LYPD8: variants seen among roughly 807,000 people sequenced by gnomAD.
LYPD8 encodes the protein ly6/PLAUR domain-containing protein 8.
Under a neutral mutation model 1.7 loss-of-function variants are expected in LYPD8, and 8 were observed. The ratio of observed to expected loss-of-function variants is 4.58; its 90% CI spans 2.69 to 8.27. LYPD8 has a LOEUF of 8.27. Ranked by LOEUF, LYPD8 falls within the 30% of genes most tolerant of loss-of-function variation. The probability of loss-of-function intolerance (pLI) is 0.00; values close to 1 mark genes in which losing one functional copy is unlikely to be tolerated. For missense variants in LYPD8, 112 were observed against 102.3 expected (o/e 1.09, Z -0.41); for synonymous variants, 50 against 43.6 (o/e 1.15, Z -0.58).
chr1:248,751,770 C>T (rs914713968), intron 2 of LYPD8, among the ~76,000 whole-genome samples: 118,868 of 152,018 alleles, frequency 0.78, 47,078 homozygotes, highest in Middle Eastern at 0.88. Flanking sequence ...TCTGTGTCCC[C>T]AACCGCCAGC....
At chr1:248,746,777 C>T (rs1412093738) in intron 5 of LYPD8, among the ~76,000 whole-genome samples, 3 of 15,026 alleles carry the variant, frequency 2.0e-4, no homozygotes, top group Non-Finnish European at 4.7e-4. Context: ...GGGCATCGCC[C>T]GCACGGCCAG....
chr1:248,744,872 G>A (rs921692506), intron 6 of LYPD8, among the ~76,000 whole-genome samples: 15 of 152,182 alleles, frequency 9.9e-5, no homozygotes, highest in African/African-American at 2.2e-4. Context: ...GGTGTGATGC[G>A]CTTAGACAAA....
chr1:248,742,915 C>T (rs1196538555), intron 6 of LYPD8, among the ~76,000 whole-genome samples: 7 of 76,984 alleles, frequency 9.1e-5, no homozygotes, highest in Admixed American at 8.9e-4. Flanking sequence ...ATGTTGGCAG[C>T]GGGGGAGATT....
chr1:248,749,608 T>C, intron 4 of LYPD8, among the ~76,000 whole-genome samples: 1 of 151,990 alleles, frequency 6.6e-6, no homozygotes, highest in East Asian at 1.9e-4. Context: ...GACTCCTTTT[T>C]ATCAGGAACC....
At chr1:248,752,923 C>G (rs1662840080) in intron 2 of LYPD8, among the ~76,000 whole-genome samples, 1 of 102,912 alleles carries the variant, frequency 9.7e-6, no homozygotes, top group Admixed American at 9.2e-5. Context: ...CACCAACACA[C>G]CACATCACAC....
chr1:248,741,067 T>C (rs1347868573), intron 6 of LYPD8, among the ~76,000 whole-genome samples: 1 of 152,190 alleles, frequency 6.6e-6, no homozygotes, highest in Non-Finnish European at 1.5e-5. Flanking sequence ...GAGTCAGTGA[T>C]CGCACCCCTG....
At chr1:248,755,153 A>G (rs1662901417) in intron 2 of LYPD8, 86 bp downstream of exon 2, 1 of 152,184 alleles carries the variant, frequency 6.6e-6, no homozygotes, top group Non-Finnish European at 1.5e-5. Flanking sequence ...CCTGGGAGTG[A>G]CCCCATAGCA....
chr1:248,745,318 A>G (rs916662224), intron 5 of LYPD8, 39 bp from the exon 6 acceptor site: 3 of 398,318 alleles, frequency 7.5e-6, no homozygotes, highest in Non-Finnish European at 8.9e-6. Context: ...CAGTGTTATC[A>G]TACAGAACAT....
At position 248,741,069 on chromosome 1, in the gene LYPD8, G is replaced by A. The variant is rs550329852; in HGVS notation, c.476-1220C>T. On this transcript the variant is annotated intron_variant, in intron 6 of 6. Transcript: ENST00000590317. The stretch of plus-strand genomic sequence containing the variant: ...TCGAGGCAGCAGTGAGTCAGTGATC[G>A]CACCCCTGCATTCCGGCCCGGGCGA... Among the ~76,000 whole-genome samples the A allele has an allele frequency of 2.3e-3, 356 of 152,206 alleles. 1 individual carries two copies. Among genetic ancestry groups the A allele is most frequent in the Non-Finnish European group, 4.1e-3 (278 of 68,024 alleles).
chr1:248,755,529 C>G (rs2103176224), intron 1 of LYPD8, 143 bp from the exon 2 acceptor site: 1 of 152,936 alleles, frequency 6.5e-6, no homozygotes, highest in African/African-American at 2.4e-5. Context: ...CACATCCTCC[C>G]TGAACTCCAG....
Position 248,740,420 on chromosome 1 carries a change from C to T in LYPD8, c.476-571G>A, listed in dbSNP as rs192132615. Among the ~76,000 whole-genome samples the T allele has an allele frequency of 2.4e-4, 36 of 152,340 alleles. No individual in the cohort carries two copies. In the East Asian group the frequency reaches 6.9e-3, roughly 29 times the overall value. ...AAATTGGGGTTCTGCTATGTTTAATCGTGTTTTGAGATTCATGTACTAGAA... is the reference window on the plus strand; with the variant it reads ...AAATTGGGGTTCTGCTATGTTTAATTGTGTTTTGAGATTCATGTACTAGAA... On this transcript the variant is annotated intron_variant, in intron 6 of 6. Transcript: ENST00000590317.
chr1:248,751,200 C>T (rs908270784), intron 2 of LYPD8, 70 bp from the exon 3 acceptor site: 2 of 396,840 alleles, frequency 5.0e-6, no homozygotes, highest in African/African-American at 4.1e-5. Context: ...GGCTTTTAAT[C>T]GCACTGTAAG....
rs890751026 is a variant in LYPD8 at position 248,750,292 on chromosome 1, G to A, written c.172+232C>T. Reference sequence around the variant, plus strand: ...TCTCGAATGAAGCTTTGAGGTCACGGGCATCAGTCCCAAACACCACGAGGG... The same window carrying A: ...TCTCGAATGAAGCTTTGAGGTCACGAGCATCAGTCCCAAACACCACGAGGG... On this transcript the variant is annotated intron_variant, in intron 4 of 6. Transcript: ENST00000590317. Among the ~76,000 whole-genome samples the A allele has an allele frequency of 6.6e-4, 13 of 19,632 alleles. No homozygotes were observed. The Non-Finnish European group carries it at 0.052, about 78-fold the overall frequency. The allele number at this position is 19,632 out of a possible 152,430, so 12.9% of individuals were successfully genotyped here. A position where few individuals can be genotyped will look rare whatever the true frequency, so the allele number is the denominator to read the frequency against.
intron 6 of LYPD8, among the ~76,000 whole-genome samples, chr1:248,742,165 G>C (rs1054866862): frequency 6.6e-6 from 1 of 151,800 alleles, no homozygotes; most frequent in Admixed American, 6.6e-5. Flanking sequence ...CTCTCTGGTG[G>C]GGATGTTGGC....
rs1236609717 is a variant in LYPD8, at chr1:248,746,315, G to T, written c.338-1036C>A. Among the ~76,000 whole-genome samples the T allele has an allele frequency of 5.3e-5, 8 of 152,264 alleles. No homozygotes were observed. In the East Asian group the frequency reaches 1.5e-3, roughly 29 times the overall value. On this transcript the variant is annotated intron_variant, in intron 5 of 6. Coordinates refer to ENST00000590317, the MANE Select transcript of LYPD8 (RefSeq NM_001085474.2). ...CACAAAATTTGAGAACTACTGACCG[G>T]AACTAAAGTCCCTCTCGCACAACTT...
rs1307502698 is a variant in LYPD8 at position 248,753,283 on chromosome 1, ACACACACAC to A, written c.-50+1947_-50+1955del. On this transcript the variant is annotated intron_variant, in intron 2 of 6. Transcript: ENST00000590317. ...CCGCATCACACACACACCACACAACACACACACACCACACACACCACACACCCCACACAA... is the reference window on the plus strand; with the variant it reads ...CCGCATCACACACACACCACACAACACACACACACCACACACCCCACACAA... Among the ~76,000 whole-genome samples, 17 of 94,584 alleles carry A rather than the reference ACACACACAC, an allele frequency of 1.8e-4. 1 individual carries two copies. The highest frequency in any genetic ancestry group is 2.8e-4 in the Non-Finnish European group (13 of 47,226). The allele number at this position is 94,584 out of a possible 152,430, so 62.1% of individuals were successfully genotyped here. A position where few individuals can be genotyped will look rare whatever the true frequency, so the allele number is the denominator to read the frequency against.
At chr1:248,752,877 C>A (rs1474801709) in intron 2 of LYPD8, among the ~76,000 whole-genome samples, 18 of 122,526 alleles carry the variant, frequency 1.5e-4, no homozygotes, top group East Asian at 8.2e-4. Context: ...ACCACACACC[C>A]CACACAACAC....
chr1:248,739,554 G>A lies in LYPD8; in HGVS notation c.*57C>T. The A allele has an allele frequency of 1.3e-6, 2 of 1,548,302 alleles. No homozygotes were observed. Among genetic ancestry groups the A allele is most frequent in the Non-Finnish European group, 1.7e-6 (2 of 1,146,250 alleles). On this transcript the variant is annotated 3_prime_UTR_variant, in exon 7 of 7. Coordinates refer to ENST00000590317, the MANE Select transcript of LYPD8 (RefSeq NM_001085474.2). This position sits in a 1 kb window ranked among gnomAD's most constrained non-coding sequence, Gnocchi z 4.3. The stretch of plus-strand genomic sequence containing the variant: ...AGAGGGTGTCAGCACCGCAGGGGGT[G>A]CTCTGGACCTCAGAGAAGCAGAAAT...
At chr1:248,754,673 T>A (rs919023927) in intron 2 of LYPD8, among the ~76,000 whole-genome samples, 4 of 152,038 alleles carry the variant, frequency 2.6e-5, no homozygotes, top group African/African-American at 9.7e-5. Context: ...GTTGACTTAT[T>A]AGAGATTGGT....
Sources: gnomAD v4.1 joint callset for allele counts (sites outside exome capture counted in the v4.1 genomes callset) on GRCh38, gnomAD v4.1.1 for gene constraint, Gnocchi (gnomAD v3.1) non-coding constraint, MANE v1.5 for transcripts, NCBI Gene and HGNC (gene_info 2026-07-23, HGNC 2026-07-21) for gene names.